PHF2: variants seen among roughly 807,000 people sequenced by gnomAD.
PHF2 encodes the protein lysine-specific demethylase PHF2.
In PHF2, 27 loss-of-function variants were observed where a neutral mutation model predicts 120.5. That is an observed-to-expected ratio of 0.22 (90% confidence interval 0.17 to 0.31). The LOEUF (loss-of-function observed/expected upper bound fraction) is 0.31. Among genes scored for constraint, PHF2 ranks in the 10% least tolerant of loss-of-function variants. The probability of loss-of-function intolerance (pLI) is 1.00; values close to 1 mark genes in which losing one functional copy is unlikely to be tolerated. For synonymous variants in PHF2, 568 were observed against 592.5 expected (o/e 0.96, Z 0.60); for missense variants, 1,024 against 1,434.8 (o/e 0.71, Z 4.63).
At chr9:93,581,179 G>T (rs1476113080) in intron 1 of PHF2, among the ~76,000 whole-genome samples, 2 of 152,170 alleles carry the variant, frequency 1.3e-5, no homozygotes, top group African/African-American at 2.4e-5. Flanking sequence ...CCTAGGGATG[G>T]AGTTGGCCTT....
At chr9:93,585,164 TGTGCCCA>T (rs1362342935) in intron 1 of PHF2, among the ~76,000 whole-genome samples, 2 of 152,360 alleles carry the variant, frequency 1.3e-5, no homozygotes, top group Non-Finnish European at 1.5e-5. Context: ...TGTGCTGCTG[TGTGCCCA>T]GTGCATGCCT....
chr9:93,629,839 C>G, intron 1 of PHF2, 131 bp from the exon 2 acceptor site: 1 of 832,896 alleles, frequency 1.2e-6, no homozygotes, highest in South Asian at 1.5e-5. Flanking sequence ...AACACTGTCC[C>G]TGCACAGCTG....
chr9:93,663,128 CAT>C (rs1294549534), intron 13 of PHF2, 102 bp downstream of exon 13: 3 of 1,495,010 alleles, frequency 2.0e-6, no homozygotes, highest in Non-Finnish European at 2.7e-6. Flanking sequence ...AATGTGCAGA[CAT>C]GTGTCTGCTT....
intron 10 of PHF2, among the ~76,000 whole-genome samples, chr9:93,658,532 G>C (rs1455797494): frequency 6.6e-6 from 1 of 152,198 alleles, no homozygotes; most frequent in East Asian, 1.9e-4. Context: ...TTGGTGGGAG[G>C]AGGGTGACCA....
chr9:93,584,122 C>A (rs1213161551), intron 1 of PHF2, among the ~76,000 whole-genome samples: 1 of 152,182 alleles, frequency 6.6e-6, no homozygotes, highest in African/African-American at 2.4e-5. Flanking sequence ...GCTACTGCGC[C>A]CAGCCTAAGT....
intron 18 of PHF2, 35 bp downstream of exon 18, chr9:93,673,897 C>T: frequency 6.5e-7 from 1 of 1,539,764 alleles, no homozygotes; most frequent in Non-Finnish European, 8.8e-7. Flanking sequence ...AGGGCCCATG[C>T]TCAGCCCTAG....
rs1020318523 is a variant in PHF2, at chr9:93,677,778, C to T, written c.*102C>T. The stretch of plus-strand genomic sequence containing the variant: ...TGCCGAGCTGCCTCACCAGGGAGGG[C>T]CTTGCCTCTTCCCGGCTGCCATCTC... On this transcript the variant is annotated 3_prime_UTR_variant, in exon 22 of 22. Coordinates refer to ENST00000359246, the MANE Select transcript of PHF2 (RefSeq NM_005392.4). The surrounding 1 kb of genome is among the most constrained non-coding windows in gnomAD (Gnocchi z 4.4). 3 of 802,120 alleles carry T rather than the reference C, an allele frequency of 3.7e-6. No individual in the cohort carries two copies. Among genetic ancestry groups the T allele is most frequent in the Non-Finnish European group, 6.2e-6 (3 of 483,794 alleles). 49.7% of individuals were successfully genotyped at this position (802,120 alleles called of 1,614,324 possible). A position where few individuals can be genotyped will look rare whatever the true frequency, so the allele number is the denominator to read the frequency against.
chr9:93,576,766 G>A lies in PHF2; in HGVS notation c.-8G>A. 1.6e-6 allele frequency: 2 copies of A among 1,222,802 alleles called. No homozygotes were observed. The highest frequency in any genetic ancestry group is 2.7e-4 in the Middle Eastern group (1 of 3,752). The allele number at this position is 1,222,802 out of a possible 1,614,324, so 75.7% of individuals were successfully genotyped here. On this transcript the variant is annotated 5_prime_UTR_variant, in exon 1 of 22. Coordinates refer to ENST00000359246, the MANE Select transcript of PHF2 (RefSeq NM_005392.4). ...CGGCGGGGCCGAGCGGCGGCGCGGC[G>A]CGGCAACATGGCGACGGTGCCCGTG... is the stretch of plus-strand genomic sequence containing the variant.
At chr9:93,650,313 C>T (rs1373264044) in intron 5 of PHF2, among the ~76,000 whole-genome samples, 2 of 152,134 alleles carry the variant, frequency 1.3e-5, no homozygotes, top group Non-Finnish European at 2.9e-5. Flanking sequence ...AGACTCATGA[C>T]ACGCTTATGA....
chr9:93,585,297 C>G (rs1428119384), intron 1 of PHF2, among the ~76,000 whole-genome samples: 1 of 152,244 alleles, frequency 6.6e-6, no homozygotes, highest in Non-Finnish European at 1.5e-5. Context: ...ATGGGGTCCT[C>G]TTGTGTGGGT....
Position 93,679,245 on chromosome 9 carries a change from T to C in PHF2, c.*1569T>C. 2.2e-6 allele frequency: 1 copy of C among 456,176 alleles called. No individual in the cohort carries two copies. Among genetic ancestry groups the C allele is most frequent in the Non-Finnish European group, 4.4e-6 (1 of 226,936 alleles). The allele number at this position is 456,176 out of a possible 1,614,324, so 28.3% of individuals were successfully genotyped here. A position where few individuals can be genotyped will look rare whatever the true frequency, so the allele number is the denominator to read the frequency against. ...AGGCCTTATCCACTCCCACTTGTCC[T>C]GTTTGGAGGGACGCAGTCCCTAGGG... On this transcript the variant is annotated 3_prime_UTR_variant, in exon 22 of 22. Coordinates refer to ENST00000359246, the MANE Select transcript of PHF2 (RefSeq NM_005392.4).
chr9:93,660,458 G>T lies in PHF2; in HGVS notation c.1596G>T (p.Lys532Asn), dbSNP rs760129806. 6.4e-7 allele frequency: 1 copy of T among 1,561,540 alleles called. No individual in the cohort carries two copies. The highest frequency in any genetic ancestry group is 8.6e-7 in the Non-Finnish European group (1 of 1,157,538). The change falls in exon 12 of 22, where the codon AAG (lysine) becomes AAT (asparagine). Residue 532 changes from lysine (K) to asparagine (N), a missense_variant. By Grantham distance (94) the Lys-to-Asn change is moderately conservative. This residue lies in a region of PHF2 where 677 missense variants were observed against 857.4 expected (regional missense o/e 0.79). Coordinates refer to ENST00000359246, the MANE Select transcript of PHF2 (RefSeq NM_005392.4). ...KLKDGGKKKG[K>N]KSRESASPTI... ...AAGATGGAGGCAAGAAGAAAGGGAA[G>T]AAGTCCCGGGAGTCAGCCTCACCCA... is the stretch of plus-strand genomic sequence containing the variant.
In PHF2 at chr9:93,675,696, G is replaced by A. The variant is rs750693775; in HGVS notation, c.2739G>A (p.Ser913=). Residue 913 remains serine (S), a synonymous_variant, in exon 20 of 22, where the codon TCG becomes TCA. Transcript: ENST00000359246. ...PYSPTARVGP[S]VPRQDRPVRE... ...TTTCCACAGCAAGGGTCGGCCCATC[G>A]GTGCCAAGACAGGACAGGCCTGTGC... The A allele has an allele frequency of 2.0e-5, 32 of 1,611,954 alleles. No homozygotes were observed. The highest frequency in any genetic ancestry group is 1.6e-4 in the East Asian group (7 of 44,858).
chr9:93,645,649 G>C lies in PHF2; in HGVS notation c.320G>C (p.Arg107Pro). 1 of 1,604,428 alleles carries C rather than the reference G, an allele frequency of 6.2e-7. No individual in the cohort carries two copies. The highest frequency in any genetic ancestry group is 8.5e-7 in the Non-Finnish European group (1 of 1,174,212). Reference protein sequence around the residue: ...TFPSAEDVVARVPGSQLTLGY... With the variant: ...TFPSAEDVVAPVPGSQLTLGY... Reference sequence around the variant, plus strand: ...TGCAGTGCTGAAGACGTGGTGGCCCGTGTGCCAGGAAGTCAGCTCACGCTG... The same window carrying C: ...TGCAGTGCTGAAGACGTGGTGGCCCCTGTGCCAGGAAGTCAGCTCACGCTG... Residue 107 changes from arginine to proline, a missense_variant, in exon 4 of 22, where the codon CGT becomes CCT. Physicochemically the swap from Arg to Pro is moderately radical, Grantham distance 103. This residue lies in a region of PHF2 where 347 missense variants were observed against 577.4 expected (regional missense o/e 0.60). Transcript: ENST00000359246.
chr9:93,637,143 G>A (rs574820696), intron 3 of PHF2, among the ~76,000 whole-genome samples: 1 of 152,216 alleles, frequency 6.6e-6, no homozygotes, highest in Admixed American at 6.5e-5. Flanking sequence ...TCCGCTGGAC[G>A]CAGAATCCTA....
rs752368762 is a variant in PHF2, at chr9:93,649,374, CTTTT to C, written c.602+183_602+186del. Among the ~76,000 whole-genome samples the C allele has an allele frequency of 2.7e-4, 29 of 105,812 alleles. 1 individual carries two copies. The East Asian group carries it at 5.1e-3, about 19-fold the overall frequency. The allele number at this position is 105,812 out of a possible 152,430, so 69.4% of individuals were successfully genotyped here. On this transcript the variant is annotated intron_variant, in intron 5 of 21. Coordinates refer to ENST00000359246, the MANE Select transcript of PHF2 (RefSeq NM_005392.4). ...CTGTTTCTCTCTTTTAAATTTTTTC[CTTTT>C]TTTTTTTTTTTTTTTTTTTTATAAG... is the stretch of plus-strand genomic sequence containing the variant.
At chr9:93,647,790 G>A (rs1396884724) in intron 4 of PHF2, among the ~76,000 whole-genome samples, 2 of 152,138 alleles carry the variant, frequency 1.3e-5, no homozygotes, top group African/African-American at 4.8e-5. Flanking sequence ...TCGGGAGGCT[G>A]AGGCAGAAGA....
intron 12 of PHF2, 101 bp from the exon 13 acceptor site, chr9:93,662,806 T>G (rs1826601411): frequency 7.0e-7 from 1 of 1,429,784 alleles, no homozygotes; most frequent in Admixed American, 1.8e-5. Flanking sequence ...AGGCTTGAGC[T>G]GCAAGCACAT....
intron 1 of PHF2, among the ~76,000 whole-genome samples, chr9:93,621,787 G>A (rs1172746376): frequency 3.3e-5 from 5 of 152,186 alleles, no homozygotes; most frequent in African/African-American, 1.2e-4. Context: ...CAGAGCTGAG[G>A]AGCCTGATTC....
Sources: allele counts gnomAD v4.1 joint callset (sites outside exome capture counted in the v4.1 genomes callset), GRCh38; gene constraint gnomAD v4.1.1; regional missense constraint gnomAD v4.1.1; non-coding constraint Gnocchi (gnomAD v3.1); transcripts MANE v1.5; gene names NCBI Gene and HGNC (gene_info 2026-07-23, HGNC 2026-07-21).